The following BTBD16 variants were observed in gnomAD, a reference collection of about 807,000 sequenced individuals.
The protein encoded by BTBD16 is BTB/POZ domain-containing protein 16.
A neutral mutation model predicts 67.4 loss-of-function variants in BTBD16; 66 were observed. The ratio of observed to expected loss-of-function variants is 0.98; its 90% CI spans 0.80 to 1.20. The LOEUF (loss-of-function observed/expected upper bound fraction) is 1.20. Among genes scored for constraint, BTBD16 ranks in the 50% most tolerant of loss-of-function variants. BTBD16 has a pLI of 0.00. For missense variants in BTBD16, 634 were observed against 616.0 expected, an observed-to-expected ratio of 1.03 and a Z score of -0.31; for synonymous variants, 242 against 236.4, an observed-to-expected ratio of 1.02 and a Z score of -0.22.
intron 9 of BTBD16, among the ~76,000 whole-genome samples, chr10:122,306,348 GT>G (rs1187362561): frequency 3.3e-5 from 5 of 152,214 alleles, no homozygotes; most frequent in African/African-American, 1.2e-4. Context: ...ATAAATTCGT[GT>G]TGTTTCGAAC....
intron 4 of BTBD16, among the ~76,000 whole-genome samples, chr10:122,285,277 A>C (rs964251339): frequency 2.6e-5 from 4 of 152,060 alleles, no homozygotes; most frequent in African/African-American, 9.7e-5. Flanking sequence ...TGGCCTCTTG[A>C]GCCTCACCTG....
At position 122,307,212 on chromosome 10, in the gene BTBD16, A is replaced by G. The variant is rs1487962736; in HGVS notation, c.815A>G (p.His272Arg). ...SPRLFTFSEFHLLKTMLLWVF... is the reference protein window; with the variant it reads ...SPRLFTFSEFRLLKTMLLWVF... The stretch of plus-strand genomic sequence containing the variant: ...AGGTTATTTACCTTTAGTGAATTCC[A>G]TCTTCTGAAAACAATGCTTTTGTGG... Residue 272 changes from histidine to arginine, a missense_variant, in exon 10 of 16, where the codon CAT (histidine) becomes CGT (arginine). Physicochemically the swap from His to Arg is conservative, Grantham distance 29. Coordinates refer to ENST00000260723, the MANE Select transcript of BTBD16 (RefSeq NM_144587.5). 6.2e-6 allele frequency: 10 copies of G among 1,605,164 alleles called. No individual in the cohort carries two copies. The highest frequency in any genetic ancestry group is 7.6e-6 in the Non-Finnish European group (9 of 1,177,474).
At chr10:122,304,550 CTTTTTTTTTT>C (rs3037891) in intron 9 of BTBD16, among the ~76,000 whole-genome samples, 1 of 95,468 alleles carries the variant, frequency 1.0e-5, no homozygotes. Flanking sequence ...AGCAGGTATT[CTTTTTTTTTT>C]TTTTTTTTTT....
intron 3 of BTBD16, among the ~76,000 whole-genome samples, chr10:122,283,311 A>G (rs1255391612): frequency 6.6e-6 from 1 of 152,242 alleles, no homozygotes; most frequent in Non-Finnish European, 1.5e-5. Flanking sequence ...ATGAGATGTA[A>G]CAACACTCAG....
Position 122,336,644 on chromosome 10 carries a change from C to T in BTBD16, c.1414C>T (p.Gln472Ter). The T allele has an allele frequency of 6.2e-7, 1 of 1,604,484 alleles. No homozygotes were observed. Among genetic ancestry groups the T allele is most frequent in the Non-Finnish European group, 8.5e-7 (1 of 1,177,594 alleles). Reference protein sequence around the residue: ...WQEFRTNQIKQKFGLTTSSCK... With the variant: ...WQEFRTNQIK Reference sequence around the variant, plus strand: ...GGAGTTCAGGACAAACCAGATCAAGCAGAAGTTTGGGTTGACCACGTCATC... The same window carrying T: ...GGAGTTCAGGACAAACCAGATCAAGTAGAAGTTTGGGTTGACCACGTCATC... The change falls in exon 15 of 16, where the codon CAG becomes TAG. Residue 472 changes from glutamine to a stop codon, truncating the protein, a stop_gained. Coordinates refer to ENST00000260723, the MANE Select transcript of BTBD16 (RefSeq NM_144587.5). LOFTEE classifies it high-confidence loss of function.
At chr10:122,335,067 A>G (rs181951385) in intron 14 of BTBD16, 88 bp downstream of exon 14, 581 of 661,330 alleles carry the variant, frequency 8.8e-4, no homozygotes, top group Non-Finnish European at 1.1e-3. Flanking sequence ...TAATTGATTC[A>G]TCATTAATTA....
intron 7 of BTBD16, chr10:122,294,219 A>C (rs1042096898): frequency 1.0e-5 from 10 of 985,300 alleles, no homozygotes; most frequent in Non-Finnish European, 1.1e-5. Context: ...GTGTGGCATC[A>C]TAGGATACAT....
chr10:122,277,051 G>T, intron 3 of BTBD16, 112 bp downstream of exon 3: 1 of 1,259,860 alleles, frequency 7.9e-7, no homozygotes, highest in Non-Finnish European at 1.1e-6. Context: ...GGGCACATCT[G>T]CAAGGAAGGC....
chr10:122,314,420 C>G (rs2096420162), intron 10 of BTBD16, among the ~76,000 whole-genome samples: 1 of 152,156 alleles, frequency 6.6e-6, no homozygotes, highest in African/African-American at 2.4e-5. Flanking sequence ...AGGAGGATCA[C>G]TTGAGCCTGG....
At chr10:122,272,552 G>C (rs1286112722) in intron 1 of BTBD16, among the ~76,000 whole-genome samples, 2 of 152,012 alleles carry the variant, frequency 1.3e-5, no homozygotes, top group Admixed American at 6.6e-5. Flanking sequence ...TATTGGTTAG[G>C]CTGGTCTTGA....
intron 13 of BTBD16, among the ~76,000 whole-genome samples, chr10:122,333,684 G>C (rs10887131): frequency 0.25 from 38,701 of 151,954 alleles, 5,022 homozygotes; most frequent in African/African-American, 0.3. Flanking sequence ...AAAAGTATGG[G>C]GAAAAACATA....
intron 1 of BTBD16, among the ~76,000 whole-genome samples, chr10:122,271,830 T>C (rs1332823647): frequency 6.6e-6 from 1 of 152,178 alleles, no homozygotes; most frequent in East Asian, 1.9e-4. Context: ...AAAAAAGTTC[T>C]TAGATATTGA....
At chr10:122,296,067 G>A (rs748451889) in intron 7 of BTBD16, among the ~76,000 whole-genome samples, 17 of 151,844 alleles carry the variant, frequency 1.1e-4, no homozygotes, top group Non-Finnish European at 2.4e-4. Flanking sequence ...CTCTGAACTT[G>A]CTAGCGGCAG....
At chr10:122,285,699 G>A (rs1465695246) in intron 4 of BTBD16, among the ~76,000 whole-genome samples, 4 of 152,192 alleles carry the variant, frequency 2.6e-5, no homozygotes, top group Non-Finnish European at 5.9e-5. Flanking sequence ...GGCCCAAAAT[G>A]TTTACAGTGC....
rs869262992 is a variant in BTBD16 at position 122,334,494 on chromosome 10, C to CTTTTTTT, written c.1165-363_1165-357dup. On this transcript the variant is annotated intron_variant, in intron 13 of 15. Transcript: ENST00000260723. ...ACAGGTGTGAGCCACCGTGCCCGGC[C>CTTTTTTT]TTTTTTTTTTTTTTTTTTTTTTTTT... Among the ~76,000 whole-genome samples, 11 of 43,256 alleles carry CTTTTTTT rather than the reference C, an allele frequency of 2.5e-4. 2 individuals are homozygous for CTTTTTTT. Among genetic ancestry groups the CTTTTTTT allele is most frequent in the African/African-American group, 1.2e-3 (10 of 8,060 alleles). 28.4% of individuals were successfully genotyped at this position (43,256 alleles called of 152,430 possible).
intron 14 of BTBD16, among the ~76,000 whole-genome samples, chr10:122,335,811 A>C (rs1485477529): frequency 6.6e-6 from 1 of 152,188 alleles, no homozygotes; most frequent in Non-Finnish European, 1.5e-5. Context: ...TATCTTATTA[A>C]TCTTTTTATT....
At chr10:122,309,325 T>C (rs1333942143) in intron 10 of BTBD16, among the ~76,000 whole-genome samples, 1 of 151,030 alleles carries the variant, frequency 6.6e-6, no homozygotes, top group Non-Finnish European at 1.5e-5. Context: ...TTATTTTTTG[T>C]TTGTTTGTTT....
chr10:122,322,954 C>G (rs1365770953), intron 10 of BTBD16, among the ~76,000 whole-genome samples: 1 of 152,178 alleles, frequency 6.6e-6, no homozygotes, highest in Non-Finnish European at 1.5e-5. Context: ...CTAAGCATGG[C>G]TCCCGCACTG....
chr10:122,298,522 A>G (rs1469484915), intron 8 of BTBD16, among the ~76,000 whole-genome samples: 1 of 152,180 alleles, frequency 6.6e-6, no homozygotes, highest in Non-Finnish European at 1.5e-5. Context: ...CCTGGCTCTA[A>G]GACGCCTTTT....
Sources: allele counts gnomAD v4.1 joint callset (sites outside exome capture counted in the v4.1 genomes callset), GRCh38; gene constraint gnomAD v4.1.1; transcripts MANE v1.5; gene names NCBI Gene and HGNC (gene_info 2026-07-23, HGNC 2026-07-21).